ZFYVE9: variants seen among roughly 807,000 people sequenced by gnomAD.
ZFYVE9 encodes the protein zinc finger FYVE-type containing 9, also known as zinc finger FYVE domain-containing protein 9.
A neutral mutation model predicts 126.7 loss-of-function variants in ZFYVE9; 43 were observed. The observed-to-expected ratio is 0.34, with a 90% CI of 0.27 to 0.44. ZFYVE9 has a LOEUF of 0.44. Among genes scored for constraint, ZFYVE9 ranks in the 20% least tolerant of loss-of-function variants. The pLI is 1.00. For synonymous variants in ZFYVE9, 521 were observed against 597.4 expected (o/e 0.87, Z 1.87); for missense variants, 1,476 against 1,697.0 (o/e 0.87, Z 2.29).
intron 2 of ZFYVE9, among the ~76,000 whole-genome samples, chr1:52,218,750 GT>G (rs1301186560): frequency 6.6e-6 from 1 of 152,182 alleles, no homozygotes; most frequent in African/African-American, 2.4e-5. Flanking sequence ...AGCTACTTTG[GT>G]TTTGTCAGTA....
At position 52,142,810 on chromosome 1, in the gene ZFYVE9, C is replaced by T. The variant is rs1644272529; in HGVS notation, c.-143+407C>T. 6.6e-6 allele frequency among the ~76,000 whole-genome samples: 1 copy of T among 152,196 alleles called. No individual in the cohort carries two copies. Among genetic ancestry groups the T allele is most frequent in the Non-Finnish European group, 1.5e-5 (1 of 68,038 alleles). On this transcript the variant is annotated intron_variant, in intron 1 of 18. Transcript: ENST00000287727. This position sits in a 1 kb window ranked among gnomAD's most constrained non-coding sequence, Gnocchi z 4.5. ...GGCTTCCACGCGTCCCATACCGAGT[C>T]CCTCAGAATCCCGGTTGTGGCGGGG...
rs78880739 is a variant in ZFYVE9 at position 52,293,738 on chromosome 1, G to T, written c.3250+61G>T. ...ACTAAAATAATGCCTGAAATATTCA[G>T]AGCCCTCTGTTTGGTGATATAATTC... On this transcript the variant is annotated intron_variant, in intron 11 of 18. Transcript: ENST00000287727. 8.8e-5 allele frequency: 129 copies of T among 1,468,198 alleles called. No homozygotes were observed. The East Asian group carries it at 2.9e-3, about 33-fold the overall frequency. The allele number at this position is 1,468,198 out of a possible 1,614,324, so 90.9% of individuals were successfully genotyped here.
At chr1:52,254,544 A>G (rs1645485096) in intron 4 of ZFYVE9, among the ~76,000 whole-genome samples, 1 of 152,132 alleles carries the variant, frequency 6.6e-6, no homozygotes, top group African/African-American at 2.4e-5. Flanking sequence ...AAGGGGACGT[A>G]TGTTCCAATT....
Position 52,281,789 on chromosome 1 carries a change from G to A in ZFYVE9, c.2998G>A (p.Val1000Met), listed in dbSNP as rs752284762. 3 of 1,614,032 alleles carry A rather than the reference G, an allele frequency of 1.9e-6. No homozygotes were observed. Among genetic ancestry groups the A allele is most frequent in the Admixed American group, 1.7e-5 (1 of 60,008 alleles). ...GCCAAAGGATATCTTTAATCACTTT[G>A]TGCAGCTTTATCGGGATGCTCTGGC... ...CLPKDIFNHF[V>M]QLYRDALAGN... The change falls in exon 10 of 19, where the codon GTG becomes ATG. Residue 1000 changes from valine to methionine, a missense_variant. Around this residue, in one of 2 missense-constraint regions of ZFYVE9, gnomAD observed 669 missense variants for 902.4 expected, o/e 0.74. Coordinates refer to ENST00000287727, the MANE Select transcript of ZFYVE9 (RefSeq NM_004799.4).
At position 52,195,289 on chromosome 1, in the gene ZFYVE9, TATATACATACC is replaced by T. The variant is rs199821904; in HGVS notation, c.-142-21079_-142-21069del. 8.3e-4 allele frequency among the ~76,000 whole-genome samples: 127 copies of T among 152,378 alleles called. 1 individual carries two copies. In the East Asian group the frequency reaches 0.023, roughly 28 times the overall value. On this transcript the variant is annotated intron_variant, in intron 1 of 18. Coordinates refer to ENST00000287727, the MANE Select transcript of ZFYVE9 (RefSeq NM_004799.4). ...GTAAAGGAGGAATGTTGTTTCCAAA[TATATACATACC>T]TAGTGGTTAAGAATCTGAGACGTGA...
chr1:52,224,417 G>T (rs148999613), intron 2 of ZFYVE9, among the ~76,000 whole-genome samples: 246 of 152,272 alleles, frequency 1.6e-3, no homozygotes, highest in African/African-American at 5.8e-3. Flanking sequence ...TTTGACTTAG[G>T]TAGGTCGTCT....
At position 52,325,680 on chromosome 1, in the gene ZFYVE9, C is replaced by T. The variant is rs558540599; in HGVS notation, c.3439-7088C>T. 5.9e-5 allele frequency among the ~76,000 whole-genome samples: 9 copies of T among 152,288 alleles called. No homozygotes were observed. The South Asian group carries it at 1.4e-3, about 25-fold the overall frequency. ...CCATCCAAATCTATTCCTACTTATT[C>T]GGTTTACTAACTAGTATATTCAGCA... On this transcript the variant is annotated intron_variant, in intron 13 of 18. Transcript: ENST00000287727.
In ZFYVE9 at chr1:52,237,992, C is replaced by T; in HGVS notation, c.575C>T (p.Thr192Ile). The T allele has an allele frequency of 6.2e-7, 1 of 1,613,982 alleles. No individual in the cohort carries two copies. Among genetic ancestry groups the T allele is most frequent in the Non-Finnish European group, 8.5e-7 (1 of 1,179,950 alleles). Reference protein sequence around the residue: ...SCSLDNENRQTDQFSFSINES... With the variant: ...SCSLDNENRQIDQFSFSINES... ...TCACTGGATAATGAAAACAGACAAA[C>T]TGATCAATTTAGTTTTAGTATAAAT... is the stretch of plus-strand genomic sequence containing the variant. The change falls in exon 4 of 19, where the codon ACT becomes ATT. Residue 192 changes from threonine (T) to isoleucine (I), a missense_variant. Around this residue, in one of 2 missense-constraint regions of ZFYVE9, gnomAD observed 807 missense variants for 794.6 expected, o/e 1.02. Coordinates refer to ENST00000287727, the MANE Select transcript of ZFYVE9 (RefSeq NM_004799.4).
intron 1 of ZFYVE9, among the ~76,000 whole-genome samples, chr1:52,185,749 C>G (rs1271228700): frequency 3.3e-5 from 5 of 151,850 alleles, no homozygotes. Flanking sequence ...TGGTGAAACC[C>G]CATCTCTACT....
intron 4 of ZFYVE9, among the ~76,000 whole-genome samples, chr1:52,256,316 A>G (rs1173206378): frequency 6.6e-6 from 1 of 151,462 alleles, no homozygotes; most frequent in Non-Finnish European, 1.5e-5. Flanking sequence ...ATCTGTCCAC[A>G]TCAGCCTCCC....
intron 4 of ZFYVE9, 51 bp downstream of exon 4, chr1:52,239,646 T>C (rs970527585): frequency 6.4e-7 from 1 of 1,552,848 alleles, no homozygotes; most frequent in Non-Finnish European, 8.7e-7. Context: ...TTTGTAATGC[T>C]GAATTAAATA....
At chr1:52,263,094 A>AG (rs59129221) in intron 4 of ZFYVE9, among the ~76,000 whole-genome samples, 2 of 145,364 alleles carry the variant, frequency 1.4e-5, no homozygotes, top group African/African-American at 2.7e-5. Context: ...AAAAAAAAAA[A>AG]AAAGAAAAGA....
chr1:52,255,133 A>T (rs1447450874), intron 4 of ZFYVE9, among the ~76,000 whole-genome samples: 4 of 152,088 alleles, frequency 2.6e-5, no homozygotes, highest in African/African-American at 9.7e-5. Context: ...AGTACAATAC[A>T]TATATTTGCT....
intron 12 of ZFYVE9, 105 bp downstream of exon 12, chr1:52,296,082 G>T: frequency 1.1e-6 from 1 of 904,154 alleles, no homozygotes; most frequent in Non-Finnish European, 1.7e-6. Flanking sequence ...GCTGCTTAAG[G>T]CAGGTAAAGA....
chr1:52,240,297 T>C (rs561815129), intron 4 of ZFYVE9, among the ~76,000 whole-genome samples: 1 of 152,242 alleles, frequency 6.6e-6, no homozygotes, highest in Non-Finnish European at 1.5e-5. Context: ...TTTTGAGATA[T>C]GGTGTCAGGT....
At chr1:52,302,708 G>A (rs1646046815) in intron 12 of ZFYVE9, among the ~76,000 whole-genome samples, 3 of 151,256 alleles carry the variant, frequency 2.0e-5, no homozygotes, top group Admixed American at 6.6e-5. Flanking sequence ...CCAAGATTGC[G>A]CCACTGCACT....
chr1:52,275,884 T>C (rs1645743336), intron 8 of ZFYVE9, among the ~76,000 whole-genome samples: 1 of 151,810 alleles, frequency 6.6e-6, no homozygotes. Context: ...TTAGTGTAAA[T>C]TACTTACCTT....
In ZFYVE9 at chr1:52,266,816, C is replaced by T; in HGVS notation, c.2440C>T (p.His814Tyr). 1 of 1,599,534 alleles carries T rather than the reference C, an allele frequency of 6.3e-7. No individual in the cohort carries two copies. The highest frequency in any genetic ancestry group is 2.3e-5 in the East Asian group (1 of 44,398). ...GATGGTACCTGTGGGAGTTTTAAAGCACCCTGGAGCAGAAGGTAGGGGATC... is the reference window on the plus strand; with the variant it reads ...GATGGTACCTGTGGGAGTTTTAAAGTACCCTGGAGCAGAAGGTAGGGGATC... ...TVMVPVGVLK[H>Y]PGAEVAQPRE... The change falls in exon 6 of 19, where the codon CAC (histidine) becomes TAC (tyrosine). Residue 814 changes from histidine to tyrosine, a missense_variant. Physicochemically the swap from His to Tyr is moderately conservative, Grantham distance 83. This residue lies in a region of ZFYVE9 where 669 missense variants were observed against 902.4 expected (regional missense o/e 0.74). Coordinates refer to ENST00000287727, the MANE Select transcript of ZFYVE9 (RefSeq NM_004799.4).
chr1:52,142,912 C>G lies in ZFYVE9; in HGVS notation c.-143+509C>G, dbSNP rs530466268. ...GGGACCAAGAGAGCCCCTGCTACTC[C>G]TGGAGTGTCATTCATGGATCTGGCT... On this transcript the variant is annotated intron_variant, in intron 1 of 18. Coordinates refer to ENST00000287727, the MANE Select transcript of ZFYVE9 (RefSeq NM_004799.4). The surrounding 1 kb of genome is among the most constrained non-coding windows in gnomAD (Gnocchi z 4.5). Among the ~76,000 whole-genome samples the G allele has an allele frequency of 6.6e-6, 1 of 152,246 alleles. No individual in the cohort carries two copies. Among genetic ancestry groups the G allele is most frequent in the Admixed American group, 6.5e-5 (1 of 15,298 alleles).
Sources: gnomAD v4.1 joint callset for allele counts (sites outside exome capture counted in the v4.1 genomes callset) on GRCh38, gnomAD v4.1.1 for gene constraint, gnomAD v4.1.1 regional missense constraint, Gnocchi (gnomAD v3.1) non-coding constraint, MANE v1.5 for transcripts, NCBI Gene and HGNC (gene_info 2026-07-23, HGNC 2026-07-21) for gene names.